Variants in SIRPB2 observed in about 807,000 individuals in gnomAD.
The protein encoded by SIRPB2 is signal-regulatory protein beta-2.
In SIRPB2, 18 loss-of-function variants were observed where a neutral mutation model predicts 27.1. The observed-to-expected ratio is 0.66, with a 90% CI of 0.46 to 0.98. The LOEUF is 0.98. Ranked by LOEUF, SIRPB2 falls within the 50% of genes least tolerant of loss-of-function variation. The probability of loss-of-function intolerance (pLI) is 0.00; values close to 1 mark genes in which losing one functional copy is unlikely to be tolerated. For synonymous variants in SIRPB2, 150 were observed against 164.6 expected, an observed-to-expected ratio of 0.91 and a Z score of 0.68; for missense variants, 420 against 417.4, an observed-to-expected ratio of 1.01 and a Z score of -0.06.
At chr20:1,479,057 A>G (rs1436657471) in intron 2 of SIRPB2, 3 of 167,370 alleles carry the variant, frequency 1.8e-5, no homozygotes, top group African/African-American at 4.8e-5. Context: ...CATCCATTCT[A>G]TTTAATCACC....
rs1480251677 is a variant in SIRPB2, at chr20:1,474,965, C to T, written c.*1202G>A. 1 of 152,338 alleles carries T rather than the reference C, an allele frequency of 6.6e-6. No individual in the cohort carries two copies. The highest frequency in any genetic ancestry group is 1.5e-5 in the Non-Finnish European group (1 of 68,176). 9.4% of individuals were successfully genotyped at this position (152,338 alleles called of 1,614,324 possible). A position where few individuals can be genotyped will look rare whatever the true frequency, so the allele number is the denominator to read the frequency against. ...GGACTCTGATTAGTCACTGAGGGTG[C>T]ACAGGGAGGAGGCAGAGGCCTCAGG... On this transcript the variant is annotated 3_prime_UTR_variant, in exon 5 of 5. Transcript: ENST00000359801.
chr20:1,472,170 T>C (rs2090582827), downstream of SIRPB2, among the ~76,000 whole-genome samples: 1 of 152,112 alleles, frequency 6.6e-6, no homozygotes, highest in Non-Finnish European at 1.5e-5. Flanking sequence ...CTTTGGTGGG[T>C]CATCTCACCT....
chr20:1,477,833 G>A (rs1422247284), intron 3 of SIRPB2, among the ~76,000 whole-genome samples: 2 of 152,056 alleles, frequency 1.3e-5, no homozygotes, highest in East Asian at 1.9e-4. Flanking sequence ...GCACCACCAC[G>A]CCTGACTAAT....
Position 1,475,040 on chromosome 20 carries a change from T to C in SIRPB2, c.*1127A>G, listed in dbSNP as rs1238869758. The C allele has an allele frequency of 1.3e-5, 2 of 151,830 alleles. No individual in the cohort carries two copies. Among genetic ancestry groups the C allele is most frequent in the Non-Finnish European group, 2.9e-5 (2 of 68,064 alleles). 9.4% of individuals were successfully genotyped at this position (151,830 alleles called of 1,614,324 possible). A position where few individuals can be genotyped will look rare whatever the true frequency, so the allele number is the denominator to read the frequency against. On this transcript the variant is annotated 3_prime_UTR_variant, in exon 5 of 5. Transcript: ENST00000359801. Reference sequence around the variant, plus strand: ...CTGGGCATGCACACTCTTCCCCATGTCAGGGCTTCTCAGTCCACTAGATGG... The same window carrying C: ...CTGGGCATGCACACTCTTCCCCATGCCAGGGCTTCTCAGTCCACTAGATGG...
At chr20:1,477,456 C>T in intron 3 of SIRPB2, 53 bp from the exon 4 acceptor site, 1 of 1,563,312 alleles carries the variant, frequency 6.4e-7, no homozygotes, top group South Asian at 1.2e-5. Flanking sequence ...TCTCCCACCA[C>T]TTCCTAAGTC....
chr20:1,479,441 T>A (rs990160236), intron 2 of SIRPB2: 1 of 524,248 alleles, frequency 1.9e-6, no homozygotes, highest in Non-Finnish European at 3.4e-6. Flanking sequence ...ACTTGAAGAG[T>A]TGGGACTGGG....
At chr20:1,486,533 T>C (rs1326895254) in intron 1 of SIRPB2, among the ~76,000 whole-genome samples, 17 of 152,126 alleles carry the variant, frequency 1.1e-4, no homozygotes, top group Non-Finnish European at 2.4e-4. Flanking sequence ...ATATCTCTCA[T>C]GAACATAGAT....
intron 4 of SIRPB2, chr20:1,476,955 T>C: frequency 8.3e-7 from 1 of 1,201,568 alleles, no homozygotes; most frequent in Non-Finnish European, 1.1e-6. Flanking sequence ...GATACCAGAC[T>C]CAAGGGGCGA....
intron 1 of SIRPB2, among the ~76,000 whole-genome samples, chr20:1,484,699 A>T (rs1007124286): frequency 2.2e-4 from 33 of 151,686 alleles, no homozygotes; most frequent in African/African-American, 8.0e-4. Context: ...CAATAAAAAA[A>T]AAAAACAAAA....
At chr20:1,473,304 A>G (rs2090587080), downstream of SIRPB2, 1 of 152,518 alleles carries the variant, frequency 6.6e-6, no homozygotes, top group African/African-American at 2.4e-5. Flanking sequence ...GGGAGCTCAA[A>G]TTCTAGTGGG....
intron 1 of SIRPB2, chr20:1,480,295 G>A (rs1884387): frequency 0.18 from 95,847 of 540,996 alleles, 14,270 homozygotes; most frequent in East Asian, 0.67. Context: ...AGTGCTCACC[G>A]TGTGCTGGGC....
intron 1 of SIRPB2, among the ~76,000 whole-genome samples, chr20:1,488,980 C>T (rs2090752710): frequency 6.6e-6 from 1 of 152,098 alleles, no homozygotes; most frequent in Non-Finnish European, 1.5e-5. Context: ...TGTCTGTCTA[C>T]AGGTGAATGG....
chr20:1,490,595 T>C (rs758282771), intron 1 of SIRPB2, among the ~76,000 whole-genome samples: 14 of 152,334 alleles, frequency 9.2e-5, no homozygotes, highest in Middle Eastern at 3.4e-3. Context: ...CAGGCACTTA[T>C]GGGTATTATC....
intron 1 of SIRPB2, among the ~76,000 whole-genome samples, chr20:1,484,114 T>C (rs2090701701): frequency 6.6e-6 from 1 of 152,186 alleles, no homozygotes; most frequent in Non-Finnish European, 1.5e-5. Context: ...ACACATTCAA[T>C]AAATGGTGCT....
intron 1 of SIRPB2, among the ~76,000 whole-genome samples, chr20:1,482,911 A>C (rs2090687176): frequency 6.6e-6 from 1 of 152,090 alleles, no homozygotes; most frequent in Non-Finnish European, 1.5e-5. Context: ...GCTGCAATAA[A>C]CGTAGAAATG....
chr20:1,489,722 A>G (rs1007840178), intron 1 of SIRPB2, among the ~76,000 whole-genome samples: 3 of 152,048 alleles, frequency 2.0e-5, no homozygotes, highest in Admixed American at 1.3e-4. Context: ...AAAGCCTTAT[A>G]GAAAATGTGT....
At chr20:1,489,697 A>G (rs1205136740) in intron 1 of SIRPB2, among the ~76,000 whole-genome samples, 1 of 151,950 alleles carries the variant, frequency 6.6e-6, no homozygotes, top group Non-Finnish European at 1.5e-5. Context: ...TGGTTCCTGT[A>G]TGGGGCTCCC....
chr20:1,483,108 ATT>A (rs35280142), intron 1 of SIRPB2, among the ~76,000 whole-genome samples: 74 of 136,358 alleles, frequency 5.4e-4, no homozygotes, highest in Admixed American at 9.5e-4. Flanking sequence ...CATCCTCATC[ATT>A]TTTTTTTTTT....
chr20:1,476,425 C>T, intron 4 of SIRPB2, 89 bp from the exon 5 acceptor site: 3 of 1,315,982 alleles, frequency 2.3e-6, no homozygotes, highest in Non-Finnish European at 3.1e-6. Context: ...AAGGTCACAT[C>T]CTGCTGCTGT....
Sources: gnomAD v4.1 joint callset for allele counts (sites outside exome capture counted in the v4.1 genomes callset) on GRCh38, gnomAD v4.1.1 for gene constraint, MANE v1.5 for transcripts, NCBI Gene and HGNC (gene_info 2026-07-23, HGNC 2026-07-21) for gene names.